Variants in BRINP1 observed in about 807,000 individuals in gnomAD.
The protein encoded by BRINP1 is BMP/retinoic acid inducible neural specific 1, also known as BMP/retinoic acid-inducible neural-specific protein 1.
A neutral mutation model predicts 72.9 loss-of-function variants in BRINP1; 17 were observed. The ratio of observed to expected loss-of-function variants is 0.23; its 90% CI spans 0.16 to 0.35. The LOEUF (loss-of-function observed/expected upper bound fraction) is 0.35. BRINP1 is among the 10% of genes least tolerant of loss of function. BRINP1 has a pLI of 1.00. For missense variants in BRINP1, 850 were observed against 1,001.6 expected, an observed-to-expected ratio of 0.85 and a Z score of 2.04; for synonymous variants, 418 against 378.5, an observed-to-expected ratio of 1.10 and a Z score of -1.21.
chr9:119,242,195 T>C lies in BRINP1; in HGVS notation c.431A>G (p.Tyr144Cys). ...CCTGTCGAGGCGACTTTTGTCCATA[T>C]ACATGGTCAAAGCCTCCTCCCCTGG... is the stretch of plus-strand genomic sequence containing the variant. Reference protein sequence around the residue: ...TLGGEEALTMYMDKSRLDRKS... With the variant: ...TLGGEEALTMCMDKSRLDRKS... The change falls in exon 4 of 8, where the codon TAT (tyrosine) becomes TGT (cysteine). Residue 144 changes from tyrosine to cysteine, a missense_variant. By Grantham distance (194) the Tyr-to-Cys change is radical. Transcript: ENST00000265922. The C allele has an allele frequency of 6.2e-7, 1 of 1,614,108 alleles. No individual in the cohort carries two copies. The highest frequency in any genetic ancestry group is 8.5e-7 in the Non-Finnish European group (1 of 1,180,004).
intron 2 of BRINP1, among the ~76,000 whole-genome samples, chr9:119,300,930 A>G (rs1199151750): frequency 2.0e-5 from 3 of 152,202 alleles, no homozygotes; most frequent in Non-Finnish European, 4.4e-5. Context: ...CCGCTGTACC[A>G]CCAGCCATTC....
At chr9:119,214,247 C>T in intron 5 of BRINP1, 92 bp from the exon 6 acceptor site, 1 of 914,426 alleles carries the variant, frequency 1.1e-6, no homozygotes, top group Non-Finnish European at 1.7e-6. Flanking sequence ...GAATCTGAAG[C>T]TGCTACATTT....
chr9:119,221,867 G>A (rs754701351), intron 5 of BRINP1, among the ~76,000 whole-genome samples: 6 of 152,158 alleles, frequency 3.9e-5, no homozygotes, highest in Non-Finnish European at 8.8e-5. Flanking sequence ...TGGAAGTGTG[G>A]AAGCAGAGTT....
chr9:119,172,462 C>T (rs1379201274), intron 7 of BRINP1, among the ~76,000 whole-genome samples: 6 of 151,994 alleles, frequency 3.9e-5, no homozygotes, highest in East Asian at 1.9e-4. Flanking sequence ...AGACCAATAA[C>T]AGGATCTGAA....
At chr9:119,334,260 A>T (rs1831327998) in intron 1 of BRINP1, among the ~76,000 whole-genome samples, 1 of 152,226 alleles carries the variant, frequency 6.6e-6, no homozygotes, top group Non-Finnish European at 1.5e-5. Context: ...AGGGCCAATC[A>T]TGCCAACCAG....
chr9:119,219,883 G>C (rs1374203160), intron 5 of BRINP1, among the ~76,000 whole-genome samples: 1 of 152,100 alleles, frequency 6.6e-6, no homozygotes, highest in Non-Finnish European at 1.5e-5. Flanking sequence ...GGGCACTAGG[G>C]GATGAGGGAT....
intron 2 of BRINP1, among the ~76,000 whole-genome samples, chr9:119,285,152 G>A (rs1830746495): frequency 6.6e-6 from 1 of 151,232 alleles, no homozygotes. Flanking sequence ...GCTGCAGTGT[G>A]GAGTGGACTG....
chr9:119,256,608 T>C (rs1320442859), intron 2 of BRINP1, among the ~76,000 whole-genome samples: 1 of 152,242 alleles, frequency 6.6e-6, no homozygotes, highest in Non-Finnish European at 1.5e-5. Flanking sequence ...TGTTAGCTGC[T>C]GTTGGCATTA....
chr9:119,328,258 G>C (rs1329185490), intron 1 of BRINP1, among the ~76,000 whole-genome samples: 1 of 152,154 alleles, frequency 6.6e-6, no homozygotes, highest in Non-Finnish European at 1.5e-5. Context: ...TTAGAATTAA[G>C]AATACAGAGG....
chr9:119,286,879 T>TA (rs1830766822), intron 2 of BRINP1, among the ~76,000 whole-genome samples: 2 of 152,166 alleles, frequency 1.3e-5, no homozygotes, highest in Non-Finnish European at 2.9e-5. Context: ...GGTTATTCAA[T>TA]AAAAAATGAT....
At chr9:119,229,634 C>T (rs1172439817) in intron 5 of BRINP1, among the ~76,000 whole-genome samples, 2 of 152,104 alleles carry the variant, frequency 1.3e-5, no homozygotes, top group Admixed American at 1.3e-4. Context: ...AATGGTATGA[C>T]CCTTCCTGGA....
At chr9:119,284,168 T>C (rs1253167791) in intron 2 of BRINP1, among the ~76,000 whole-genome samples, 2 of 152,216 alleles carry the variant, frequency 1.3e-5, no homozygotes, top group Admixed American at 6.5e-5. Context: ...TCGCTTTCTT[T>C]TGACTTGAGT....
intron 2 of BRINP1, among the ~76,000 whole-genome samples, chr9:119,269,677 C>T (rs1487718550): frequency 6.6e-6 from 1 of 152,182 alleles, no homozygotes; most frequent in African/African-American, 2.4e-5. Flanking sequence ...CCACAGGTGA[C>T]ATGACTTGAA....
chr9:119,257,320 T>C (rs1354969178), intron 2 of BRINP1, among the ~76,000 whole-genome samples: 1 of 152,220 alleles, frequency 6.6e-6, no homozygotes, highest in African/African-American at 2.4e-5. Flanking sequence ...CAAGGTAGCC[T>C]AATGCATATA....
intron 6 of BRINP1, among the ~76,000 whole-genome samples, chr9:119,210,986 G>A (rs1019989109): frequency 6.6e-6 from 1 of 152,130 alleles, no homozygotes; most frequent in African/African-American, 2.4e-5. Flanking sequence ...GCTGGCTGAA[G>A]GCAGGAGACA....
In BRINP1 at chr9:119,258,253, G is replaced by T. The variant is rs974331229; in HGVS notation, c.219-9103C>A. Among the ~76,000 whole-genome samples, 5 of 152,124 alleles carry T rather than the reference G, an allele frequency of 3.3e-5. No individual in the cohort carries two copies. The South Asian group carries it at 6.2e-4, about 19-fold the overall frequency. Reference sequence around the variant, plus strand: ...ACCTAAGGGGAGCACACTGGAAGGGGACTATGTGTGTTTCTCATTGCACAT... The same window carrying T: ...ACCTAAGGGGAGCACACTGGAAGGGTACTATGTGTGTTTCTCATTGCACAT... On this transcript the variant is annotated intron_variant, in intron 2 of 7. Coordinates refer to ENST00000265922, the MANE Select transcript of BRINP1 (RefSeq NM_014618.3).
chr9:119,215,315 C>T (rs1473288698), intron 5 of BRINP1, among the ~76,000 whole-genome samples: 3 of 152,166 alleles, frequency 2.0e-5, no homozygotes, highest in Non-Finnish European at 4.4e-5. Context: ...GAGCACTACT[C>T]TGGTACCTAT....
At chr9:119,333,506 T>C (rs370634181) in intron 1 of BRINP1, among the ~76,000 whole-genome samples, 2 of 151,606 alleles carry the variant, frequency 1.3e-5, no homozygotes, top group African/African-American at 4.8e-5. Flanking sequence ...ATTTCTAATC[T>C]TCAAATAAAA....
intron 1 of BRINP1, among the ~76,000 whole-genome samples, chr9:119,331,514 G>A (rs558109471): frequency 2.0e-5 from 3 of 152,280 alleles, no homozygotes; most frequent in East Asian, 1.9e-4. Flanking sequence ...ATATAACATC[G>A]GGAGGTTCCA....
Sources: gnomAD v4.1 joint callset for allele counts (sites outside exome capture counted in the v4.1 genomes callset) on GRCh38, gnomAD v4.1.1 for gene constraint, MANE v1.5 for transcripts, NCBI Gene and HGNC (gene_info 2026-07-23, HGNC 2026-07-21) for gene names.